The following MEGF10 variants were observed in gnomAD, a reference collection of about 807,000 sequenced individuals.
MEGF10 encodes multiple EGF like domains 10.
Under a neutral mutation model 147.5 loss-of-function variants are expected in MEGF10, and 86 were observed. That is an observed-to-expected ratio of 0.58 (90% CI 0.49 to 0.70). The LOEUF is 0.70. MEGF10 is among the 30% of genes least tolerant of loss of function. The pLI, the probability that MEGF10 is intolerant of heterozygous loss-of-function variation, is 0.00. For synonymous variants in MEGF10, 478 were observed against 525.5 expected, an observed-to-expected ratio of 0.91 and a Z score of 1.24; for missense variants, 1,329 against 1,487.3, an observed-to-expected ratio of 0.89 and a Z score of 1.75.
chr5:127,289,857 C>A (rs1759159091), upstream of MEGF10, among the ~76,000 whole-genome samples: 1 of 152,048 alleles, frequency 6.6e-6, no homozygotes, highest in Non-Finnish European at 1.5e-5. Context: ...GGGGCTTAAA[C>A]CTGTTTTTGT....
chr5:127,405,082 A>T (rs1160328133), intron 8 of MEGF10, among the ~76,000 whole-genome samples: 1 of 150,954 alleles, frequency 6.6e-6, no homozygotes, highest in Non-Finnish European at 1.5e-5. Context: ...GTGTGTTAAA[A>T]CATTTAAAAC....
At chr5:127,297,343 G>A (rs1208954988) in intron 1 of MEGF10, among the ~76,000 whole-genome samples, 1 of 151,916 alleles carries the variant, frequency 6.6e-6, no homozygotes, top group African/African-American at 2.4e-5. Context: ...TCTTGCCTTC[G>A]AGGAAAAAAC....
the MEGF10 span, among the ~76,000 whole-genome samples, chr5:127,279,106 T>C: frequency 3.9e-5 from 6 of 151,964 alleles, no homozygotes; most frequent in Non-Finnish European, 7.4e-5. Context: ...ATGAGTTGAG[T>C]GTATGGAAGT....
At chr5:127,390,847 G>A (rs1023008705) in intron 5 of MEGF10, among the ~76,000 whole-genome samples, 2 of 151,988 alleles carry the variant, frequency 1.3e-5, no homozygotes, top group Admixed American at 6.6e-5. Context: ...GGAGGCAGGA[G>A]GTCTGTGCTT....
At chr5:127,377,838 G>A (rs754540487) in intron 5 of MEGF10, among the ~76,000 whole-genome samples, 17 of 152,164 alleles carry the variant, frequency 1.1e-4, no homozygotes, top group Non-Finnish European at 2.1e-4. Context: ...GGCCTGTTGC[G>A]CTGTCAGAAT....
intron 4 of MEGF10, among the ~76,000 whole-genome samples, chr5:127,358,530 A>T (rs900138432): frequency 1.3e-5 from 2 of 152,234 alleles, no homozygotes; most frequent in Non-Finnish European, 2.9e-5. Flanking sequence ...GAGAGTGGTC[A>T]GGGCAAGAGA....
intron 5 of MEGF10, among the ~76,000 whole-genome samples, chr5:127,394,466 AATG>A (rs1217396234): frequency 6.6e-6 from 1 of 152,114 alleles, no homozygotes; most frequent in Non-Finnish European, 1.5e-5. Context: ...GCTCATACGG[AATG>A]ATTTTTCTTA....
At chr5:127,348,152 G>A (rs951177506) in intron 4 of MEGF10, among the ~76,000 whole-genome samples, 11 of 151,976 alleles carry the variant, frequency 7.2e-5, no homozygotes, top group Non-Finnish European at 1.2e-4. Context: ...TCTTTATCAC[G>A]AATATCAAAC....
At chr5:127,316,891 C>G (rs1283328132) in intron 1 of MEGF10, among the ~76,000 whole-genome samples, 1 of 152,238 alleles carries the variant, frequency 6.6e-6, no homozygotes, top group East Asian at 1.9e-4. Context: ...AGCCAGGGAG[C>G]TCTTCTAAAA....
In MEGF10 at chr5:127,420,045, C is replaced by T; in HGVS notation, c.1428C>T (p.Gly476=). ...TGCTCTGGCGTTCTTGTCGCACAGG[C>T]TGGCACGGGGTGGACTGCTCCATCA... is the stretch of plus-strand genomic sequence containing the variant. ...PVDGSCTCKA[G]WHGVDCSIRC... The change falls in exon 12 of 25, where the codon GGC becomes GGT. Residue 476 remains glycine, a splice_region_variant and synonymous_variant. Transcript: ENST00000503335. 6.2e-7 allele frequency: 1 copy of T among 1,613,932 alleles called. No homozygotes were observed. Among genetic ancestry groups the T allele is most frequent in the Non-Finnish European group, 8.5e-7 (1 of 1,179,936 alleles).
the MEGF10 span, among the ~76,000 whole-genome samples, chr5:127,281,623 G>A: frequency 6.6e-6 from 1 of 152,174 alleles, no homozygotes; most frequent in Non-Finnish European, 1.5e-5. Context: ...ATCTCCTGGA[G>A]TGTTGGGGTC....
chr5:127,247,366 A>G, the MEGF10 span, among the ~76,000 whole-genome samples: 5,028 of 13,604 alleles, frequency 0.37, 575 homozygotes, highest in Admixed American at 0.41. Flanking sequence ...GAAGAAGAAG[A>G]AGAAGAAGAA....
the MEGF10 span, among the ~76,000 whole-genome samples, chr5:127,244,866 C>T: frequency 6.6e-6 from 1 of 151,948 alleles, no homozygotes; most frequent in Non-Finnish European, 1.5e-5. Flanking sequence ...CAAAGTATAC[C>T]TTTAAGAAAA....
intron 1 of MEGF10, among the ~76,000 whole-genome samples, chr5:127,313,660 T>C (rs1006635958): frequency 6.6e-6 from 1 of 152,212 alleles, no homozygotes; most frequent in Non-Finnish European, 1.5e-5. Context: ...CCTCCATTGA[T>C]GTTAAACATG....
chr5:127,275,248 A>G, the MEGF10 span, among the ~76,000 whole-genome samples: 1 of 152,244 alleles, frequency 6.6e-6, no homozygotes, highest in African/African-American at 2.4e-5. Context: ...GGATCAGACA[A>G]TAATATGAAA....
intron 18 of MEGF10, 70 bp downstream of exon 18, chr5:127,440,937 GA>G: frequency 6.4e-7 from 1 of 1,570,056 alleles, no homozygotes. Flanking sequence ...TAGATGCCAG[GA>G]AATATTAAGG....
intron 4 of MEGF10, among the ~76,000 whole-genome samples, chr5:127,356,822 G>C (rs764070207): frequency 6.6e-6 from 1 of 152,180 alleles, no homozygotes; most frequent in African/African-American, 2.4e-5. Flanking sequence ...AATGCAGTAT[G>C]TTGGATCCCA....
chr5:127,334,351 A>C (rs1022884284), intron 2 of MEGF10, among the ~76,000 whole-genome samples: 1 of 152,092 alleles, frequency 6.6e-6, no homozygotes, highest in Admixed American at 6.6e-5. Flanking sequence ...AACTTGTTAG[A>C]AATACAGACT....
chr5:127,278,911 G>A, the MEGF10 span, among the ~76,000 whole-genome samples: 2 of 152,200 alleles, frequency 1.3e-5, no homozygotes, highest in Admixed American at 1.3e-4. Context: ...GGGTTGCTGG[G>A]TAGTGCCAAG....
Sources: gnomAD v4.1 joint callset for allele counts (sites outside exome capture counted in the v4.1 genomes callset) on GRCh38, gnomAD v4.1.1 for gene constraint, MANE v1.5 for transcripts, NCBI Gene and HGNC (gene_info 2026-07-23, HGNC 2026-07-21) for gene names.